ASTN2: variants seen among roughly 807,000 people sequenced by gnomAD.
The protein encoded by ASTN2 is astrotactin 2.
ASTN2 carries 54 observed loss-of-function variants against 139.8 expected under a neutral mutation model. That is an observed-to-expected ratio of 0.39 (90% confidence interval 0.31 to 0.48). The LOEUF is 0.48. Among genes scored for constraint, ASTN2 ranks in the 20% least tolerant of loss-of-function variants. The pLI is 0.95. For missense variants in ASTN2, 1,565 were observed against 1,725.1 expected, an observed-to-expected ratio of 0.91 and a Z score of 1.64; for synonymous variants, 756 against 719.5, an observed-to-expected ratio of 1.05 and a Z score of -0.81.
intron 19 of ASTN2, among the ~76,000 whole-genome samples, chr9:116,617,673 T>G (rs941859319): frequency 6.6e-6 from 1 of 152,172 alleles, no homozygotes; most frequent in African/African-American, 2.4e-5. Flanking sequence ...AAAAAACAGA[T>G]GTCTAATTGA....
At chr9:116,589,636 A>G (rs1234979247) in intron 19 of ASTN2, among the ~76,000 whole-genome samples, 2 of 128,452 alleles carry the variant, frequency 1.6e-5, no homozygotes, top group Non-Finnish European at 3.4e-5. Flanking sequence ...CCTTAAACAG[A>G]TTACAGTGTT....
intron 11 of ASTN2, among the ~76,000 whole-genome samples, chr9:116,824,309 T>C (rs559257669): frequency 1.3e-5 from 2 of 152,290 alleles, no homozygotes; most frequent in South Asian, 2.1e-4. Context: ...ATGTGACCAA[T>C]AGTATGTGGC....
At chr9:117,072,040 C>A (rs1048477380) in intron 5 of ASTN2, among the ~76,000 whole-genome samples, 1 of 152,128 alleles carries the variant, frequency 6.6e-6, no homozygotes, top group African/African-American at 2.4e-5. Flanking sequence ...CTCCCCCACT[C>A]CCATTTTACA....
chr9:116,782,856 C>G (rs1830256673), intron 13 of ASTN2, among the ~76,000 whole-genome samples: 1 of 152,210 alleles, frequency 6.6e-6, no homozygotes, highest in Admixed American at 6.5e-5. Flanking sequence ...GAGTCCTACA[C>G]CCCATGTGGG....
chr9:116,710,638 G>A (rs376517750), intron 16 of ASTN2, among the ~76,000 whole-genome samples: 20 of 150,740 alleles, frequency 1.3e-4, no homozygotes, highest in African/African-American at 4.6e-4. Flanking sequence ...AAGTCTGAGG[G>A]AGGAGAATCA....
chr9:116,428,982 C>A (rs536428306), intron 22 of ASTN2, among the ~76,000 whole-genome samples: 117 of 152,244 alleles, frequency 7.7e-4, no homozygotes, highest in Non-Finnish European at 1.2e-3. Flanking sequence ...TGGAGCTGAA[C>A]TGTTTAAAAA....
intron 6 of ASTN2, among the ~76,000 whole-genome samples, chr9:117,037,690 C>T (rs1232129440): frequency 3.3e-5 from 5 of 152,120 alleles, no homozygotes; most frequent in Admixed American, 2.6e-4. Context: ...TAACATTCTA[C>T]AATTAATGTG....
intron 11 of ASTN2, among the ~76,000 whole-genome samples, chr9:116,854,923 A>G (rs1284672762): frequency 6.6e-6 from 1 of 151,864 alleles, no homozygotes; most frequent in African/African-American, 2.4e-5. Flanking sequence ...AAGTGCTAGG[A>G]TTACAGGTTT....
At position 116,947,430 on chromosome 9, in the gene ASTN2, A is replaced by T. The variant is rs531193220; in HGVS notation, c.1889+27778T>A. Among the ~76,000 whole-genome samples, 123 of 152,310 alleles carry T rather than the reference A, an allele frequency of 8.1e-4. No homozygotes were observed. In the South Asian group the frequency reaches 0.019, roughly 24 times the overall value. The stretch of plus-strand genomic sequence containing the variant: ...CTCACTGAGTAATTTATGTGTAAAC[A>T]ACTTTGATTTTCCATCTCAATGACT... On this transcript the variant is annotated intron_variant, in intron 10 of 22. Coordinates refer to ENST00000313400, the MANE Select transcript of ASTN2 (RefSeq NM_001365068.1).
Position 116,699,237 on chromosome 9 carries a change from G to C in ASTN2, c.2806+26534C>G. On this transcript the variant is annotated intron_variant, in intron 16 of 22. Coordinates refer to ENST00000313400, the MANE Select transcript of ASTN2 (RefSeq NM_001365068.1). This position sits in a 1 kb window ranked among gnomAD's most constrained non-coding sequence, Gnocchi z 4.2. ...TGGAAAGCTTTGGTGTTTCACAGTT[G>C]ATCGAGGATCAGGGGTGGTCAAATA... 6.2e-7 allele frequency: 1 copy of C among 1,614,246 alleles called. No homozygotes were observed. Among genetic ancestry groups the C allele is most frequent in the Non-Finnish European group, 8.5e-7 (1 of 1,180,056 alleles).
chr9:116,751,478 C>G (rs1328228031), intron 13 of ASTN2, among the ~76,000 whole-genome samples: 1 of 152,094 alleles, frequency 6.6e-6, no homozygotes, highest in African/African-American at 2.4e-5. Flanking sequence ...GTGGAATTAA[C>G]AAGATAATGC....
intron 10 of ASTN2, among the ~76,000 whole-genome samples, chr9:116,956,165 G>GGC (rs1356039176): frequency 7.7e-6 from 1 of 130,004 alleles, no homozygotes; most frequent in Admixed American, 9.8e-5. Context: ...GCGCGATGTT[G>GGC]GCTCACCGCA....
intron 17 of ASTN2, among the ~76,000 whole-genome samples, chr9:116,623,232 A>G: frequency 6.6e-6 from 1 of 150,652 alleles, no homozygotes; most frequent in African/African-American, 2.5e-5. Flanking sequence ...TAGGAACTTG[A>G]GCTTGTGGAA....
intron 16 of ASTN2, among the ~76,000 whole-genome samples, chr9:116,707,422 C>T (rs1252095183): frequency 4.0e-5 from 6 of 151,722 alleles, no homozygotes; most frequent in South Asian, 2.1e-4. Context: ...ACTGTTGGCA[C>T]GGGAGAGAAC....
chr9:117,390,723 G>A (rs930375617), intron 1 of ASTN2, among the ~76,000 whole-genome samples: 2 of 152,046 alleles, frequency 1.3e-5, no homozygotes, highest in East Asian at 1.9e-4. Flanking sequence ...TTGTCTGGAT[G>A]TACTCCAGTT....
At chr9:116,694,142 C>T (rs1441929280) in intron 16 of ASTN2, among the ~76,000 whole-genome samples, 1 of 152,016 alleles carries the variant, frequency 6.6e-6, no homozygotes, top group Non-Finnish European at 1.5e-5. Context: ...GGGATGTGGG[C>T]ATAGTAAATT....
At chr9:117,037,470 T>C (rs1379896608) in intron 6 of ASTN2, among the ~76,000 whole-genome samples, 2 of 152,152 alleles carry the variant, frequency 1.3e-5, no homozygotes, top group Non-Finnish European at 1.5e-5. Flanking sequence ...CCACATTTTA[T>C]AGATGGAGAG....
intron 14 of ASTN2, among the ~76,000 whole-genome samples, 153 bp from the exon 15 acceptor site, chr9:116,729,249 G>T (rs377503555): frequency 2.4e-4 from 36 of 152,080 alleles, no homozygotes; most frequent in African/African-American, 8.0e-4. Context: ...CACCCTCCAG[G>T]CCTCTTTCTG....
intron 19 of ASTN2, among the ~76,000 whole-genome samples, chr9:116,567,689 A>G (rs1216093943): frequency 6.6e-6 from 1 of 152,152 alleles, no homozygotes; most frequent in Admixed American, 6.5e-5. Context: ...GACATAAAGT[A>G]GTGGTGTGGG....
Sources: allele counts gnomAD v4.1 joint callset (sites outside exome capture counted in the v4.1 genomes callset), GRCh38; gene constraint gnomAD v4.1.1; non-coding constraint Gnocchi (gnomAD v3.1); transcripts MANE v1.5; gene names NCBI Gene and HGNC (gene_info 2026-07-23, HGNC 2026-07-21).